RERG: variants seen among roughly 807,000 people sequenced by gnomAD.
RERG encodes the protein ras-related and estrogen-regulated growth inhibitor.
In RERG, 25 loss-of-function variants were observed where a neutral mutation model predicts 23.2. That is an observed-to-expected ratio of 1.08 (90% CI 0.79 to 1.50). RERG has a LOEUF of 1.50. RERG is among the 40% of genes most tolerant of loss of function. The probability of loss-of-function intolerance (pLI) is 0.00; values close to 1 mark genes in which losing one functional copy is unlikely to be tolerated. For missense variants in RERG, 253 were observed against 250.1 expected, an observed-to-expected ratio of 1.01 and a Z score of -0.08; for synonymous variants, 81 against 89.1, an observed-to-expected ratio of 0.91 and a Z score of 0.51.
chr12:15,151,940 A>G (rs893389536), intron 2 of RERG: 2 of 152,324 alleles, frequency 1.3e-5, no homozygotes, highest in African/African-American at 4.8e-5. Flanking sequence ...GCTGCGTTCC[A>G]TGTGCTAAGT....
intron 2 of RERG, among the ~76,000 whole-genome samples, chr12:15,213,868 T>A (rs1369777045): frequency 2.6e-5 from 4 of 152,188 alleles, no homozygotes; most frequent in Non-Finnish European, 4.4e-5. Flanking sequence ...TTGGTGACAC[T>A]AATATATTTC....
chr12:15,202,168 G>C (rs578164302), intron 2 of RERG, among the ~76,000 whole-genome samples: 2 of 151,694 alleles, frequency 1.3e-5, no homozygotes, highest in East Asian at 3.9e-4. Context: ...AATTTGATGT[G>C]TTTGGACATA....
intron 2 of RERG, among the ~76,000 whole-genome samples, chr12:15,210,198 C>A (rs1865347553): frequency 6.6e-6 from 1 of 152,134 alleles, no homozygotes; most frequent in South Asian, 2.1e-4. Flanking sequence ...AGGGGAATTA[C>A]AAGGATGATT....
At chr12:15,150,875 C>A (rs1864428855) in intron 2 of RERG, among the ~76,000 whole-genome samples, 3 of 152,164 alleles carry the variant, frequency 2.0e-5, no homozygotes, top group Admixed American at 2.0e-4. Flanking sequence ...AGGCAAAGGG[C>A]AACTCTAGGG....
At chr12:15,110,450 TG>T (rs1863584881) in intron 4 of RERG, among the ~76,000 whole-genome samples, 1 of 144,610 alleles carries the variant, frequency 6.9e-6, no homozygotes, top group Non-Finnish European at 1.5e-5. Context: ...GTCATTCCAG[TG>T]GCCATTTTTT....
At chr12:15,143,600 T>C (rs1479937163) in intron 2 of RERG, among the ~76,000 whole-genome samples, 1 of 152,154 alleles carries the variant, frequency 6.6e-6, no homozygotes, top group African/African-American at 2.4e-5. Flanking sequence ...TCAATATTGA[T>C]TGAGCAGCTA....
At chr12:15,184,616 C>CA (rs1864965767) in intron 2 of RERG, among the ~76,000 whole-genome samples, 5 of 152,286 alleles carry the variant, frequency 3.3e-5, no homozygotes, top group African/African-American at 9.6e-5. Context: ...CCTGGGAACA[C>CA]AGTGTGTTTG....
intron 2 of RERG, among the ~76,000 whole-genome samples, chr12:15,136,735 C>T (rs936218144): frequency 6.6e-6 from 1 of 151,918 alleles, no homozygotes; most frequent in African/African-American, 2.4e-5. Context: ...TGATTTCTAG[C>T]TTAATTCCAT....
At chr12:15,163,679 A>G (rs2136115824) in intron 2 of RERG, among the ~76,000 whole-genome samples, 1 of 152,350 alleles carries the variant, frequency 6.6e-6, no homozygotes, top group Admixed American at 6.5e-5. Context: ...GGAAGGCAAC[A>G]GGAGAAAACT....
chr12:15,145,452 T>C (rs1458690784), intron 2 of RERG, among the ~76,000 whole-genome samples: 1 of 152,176 alleles, frequency 6.6e-6, no homozygotes, highest in Non-Finnish European at 1.5e-5. Flanking sequence ...GGACCACTCA[T>C]GGGATGGCCA....
chr12:15,120,452 C>A (rs1305714075), intron 3 of RERG, among the ~76,000 whole-genome samples: 1 of 150,438 alleles, frequency 6.6e-6, no homozygotes, highest in Non-Finnish European at 1.5e-5. Flanking sequence ...CCCTTTTAAA[C>A]TGAAAATCTT....
intron 2 of RERG, among the ~76,000 whole-genome samples, chr12:15,126,714 C>CTCTTTCTTTTTTTTTTTTTT (rs1565510864): frequency 1.2e-5 from 1 of 85,714 alleles, no homozygotes. Context: ...ATTTCTTTTT[C>CTCTTTCTTTTTTTTTTTTTT]TTTTTCTTTC....
At chr12:15,215,766 T>C (rs927242345) in intron 2 of RERG, among the ~76,000 whole-genome samples, 2 of 151,794 alleles carry the variant, frequency 1.3e-5, no homozygotes, top group Non-Finnish European at 1.5e-5. Flanking sequence ...ATTGAAACAA[T>C]GTGGGGAAAG....
intron 2 of RERG, among the ~76,000 whole-genome samples, chr12:15,146,335 TTTATA>T (rs1191188327): frequency 2.0e-5 from 3 of 152,194 alleles, no homozygotes; most frequent in African/African-American, 7.2e-5. Context: ...ATTATGTTAT[TTTATA>T]TTATATTCCT....
At chr12:15,177,158 T>C (rs1441701933) in intron 2 of RERG, among the ~76,000 whole-genome samples, 2 of 152,194 alleles carry the variant, frequency 1.3e-5, no homozygotes, top group East Asian at 1.9e-4. Flanking sequence ...TTCTTAAAAC[T>C]TGTACAATTC....
intron 2 of RERG, chr12:15,137,939 A>C (rs1864172322): frequency 2.5e-6 from 1 of 407,300 alleles, no homozygotes; most frequent in East Asian, 7.2e-5. Flanking sequence ...TTTTTTTTTC[A>C]AGGCAGGTTT....
intron 2 of RERG, among the ~76,000 whole-genome samples, chr12:15,145,562 C>T (rs7302329): frequency 0.041 from 6,216 of 152,290 alleles, 468 homozygotes; most frequent in African/African-American, 0.14. Context: ...CGCAGGTGTG[C>T]CATCAGTCAC....
chr12:15,181,936 G>A (rs1222747896), intron 2 of RERG, among the ~76,000 whole-genome samples: 1 of 152,154 alleles, frequency 6.6e-6, no homozygotes, highest in Non-Finnish European at 1.5e-5. Context: ...CTGACCACTG[G>A]CAGGAGCCAT....
In RERG at chr12:15,145,229, C is replaced by A. The variant is rs186131076; in HGVS notation, c.62-24110G>T. ...CTCTTTCTGGACTAGGAAGAGAGGA[C>A]AGTTAGAAAAGCAAGGGAGATAAAT... On this transcript the variant is annotated intron_variant, in intron 2 of 4. Transcript: ENST00000256953. 2.0e-5 allele frequency among the ~76,000 whole-genome samples: 3 copies of A among 152,290 alleles called. No individual in the cohort carries two copies. In the East Asian group the frequency reaches 5.8e-4, roughly 29 times the overall value.
Sources: allele counts gnomAD v4.1 joint callset (sites outside exome capture counted in the v4.1 genomes callset), GRCh38; gene constraint gnomAD v4.1.1; transcripts MANE v1.5; gene names NCBI Gene and HGNC (gene_info 2026-07-23, HGNC 2026-07-21).